KIAA1217: variants seen among roughly 807,000 people sequenced by gnomAD.
KIAA1217 encodes the protein sickle tail protein homolog.
Under a neutral mutation model 163.9 loss-of-function variants are expected in KIAA1217, and 88 were observed. The observed-to-expected ratio is 0.54, with a 90% CI of 0.45 to 0.64. The LOEUF (loss-of-function observed/expected upper bound fraction) is 0.64, where lower values mean the gene tolerates loss of function less well. Ranked by LOEUF, KIAA1217 falls within the 30% of genes least tolerant of loss-of-function variation. The pLI is 0.00. For missense variants in KIAA1217, 2,372 were observed against 2,475.0 expected (o/e 0.96, Z 0.88); for synonymous variants, 903 against 923.1 (o/e 0.98, Z 0.39).
chr10:24,271,234 AG>A (rs961731267), intron 2 of KIAA1217, among the ~76,000 whole-genome samples: 2 of 152,176 alleles, frequency 1.3e-5, no homozygotes, highest in Non-Finnish European at 2.9e-5. Flanking sequence ...TCATTCTGAA[AG>A]GAAAAATATC....
intron 2 of KIAA1217, among the ~76,000 whole-genome samples, chr10:24,012,528 T>A (rs931774466): frequency 2.6e-5 from 4 of 152,112 alleles, no homozygotes; most frequent in Non-Finnish European, 1.5e-5. Flanking sequence ...AAAACTAGGG[T>A]GTCTGATTAT....
At chr10:24,447,587 G>C (rs951727091) in intron 5 of KIAA1217, among the ~76,000 whole-genome samples, 1 of 152,056 alleles carries the variant, frequency 6.6e-6, no homozygotes, top group Non-Finnish European at 1.5e-5. Context: ...TGGCTCTCTC[G>C]GACAATGCCC....
chr10:24,296,788 T>TA (rs1225024274), intron 2 of KIAA1217, among the ~76,000 whole-genome samples: 1 of 152,226 alleles, frequency 6.6e-6, no homozygotes, highest in Admixed American at 6.5e-5. Context: ...CGAAGAAGGA[T>TA]AGAGAGAAAG....
In KIAA1217 at chr10:23,790,358, CATATATACATATACATATGT is replaced by C. The variant is rs1248708202; in HGVS notation, c.-321+95137_-321+95156del. 7.8e-4 allele frequency among the ~76,000 whole-genome samples: 80 copies of C among 101,924 alleles called. 6 individuals carry two copies. Among genetic ancestry groups the C allele is most frequent in the Non-Finnish European group, 1.3e-3 (69 of 53,998 alleles). 66.9% of individuals were successfully genotyped at this position (101,924 alleles called of 152,430 possible). ...ATGCATATATACATATGCATATATG[CATATATACATATACATATGT>C]ATATATACATATGTATATATACATA... On this transcript the variant is annotated intron_variant, in intron 1 of 18. Coordinates refer to the KIAA1217 transcript ENST00000376462.
intron 2 of KIAA1217, among the ~76,000 whole-genome samples, chr10:24,112,751 A>G (rs920177244): frequency 6.6e-6 from 1 of 150,914 alleles, no homozygotes; most frequent in African/African-American, 2.4e-5. Context: ...TGCCCGGCCA[A>G]TTTTTTTTGT....
chr10:23,962,154 A>G (rs1399910302), intron 1 of KIAA1217, among the ~76,000 whole-genome samples: 2 of 152,232 alleles, frequency 1.3e-5, no homozygotes, highest in African/African-American at 4.8e-5. Context: ...CAATGGAATT[A>G]CTAGGCATTA....
At chr10:24,458,289 G>A (rs752647386) in intron 5 of KIAA1217, among the ~76,000 whole-genome samples, 3 of 152,212 alleles carry the variant, frequency 2.0e-5, no homozygotes, top group Admixed American at 6.5e-5. Context: ...CTGAAAACAC[G>A]AAGGTATTCC....
At chr10:24,302,117 T>C (rs932219522) in intron 2 of KIAA1217, among the ~76,000 whole-genome samples, 1 of 152,138 alleles carries the variant, frequency 6.6e-6, no homozygotes, top group Non-Finnish European at 1.5e-5. Flanking sequence ...ACAGGGATGG[T>C]CCAGTGGTGG....
intron 3 of KIAA1217, among the ~76,000 whole-genome samples, chr10:24,414,054 T>C (rs909038106): frequency 7.9e-5 from 12 of 152,216 alleles, no homozygotes; most frequent in African/African-American, 2.9e-4. Flanking sequence ...ACCATACCCA[T>C]TTTGTTTAAG....
chr10:24,236,701 G>T (rs2072320029), intron 2 of KIAA1217, among the ~76,000 whole-genome samples: 1 of 151,582 alleles, frequency 6.6e-6, no homozygotes, highest in South Asian at 2.1e-4. Context: ...GCCCAAGCTG[G>T]AATTCAGGGG....
chr10:24,374,076 A>G (rs931884223), intron 2 of KIAA1217, among the ~76,000 whole-genome samples: 4 of 152,212 alleles, frequency 2.6e-5, no homozygotes, highest in Non-Finnish European at 5.9e-5. Context: ...AAGGGAGAAA[A>G]GTGTTGAAAT....
intron 12 of KIAA1217, 44 bp downstream of exon 12, chr10:24,521,973 G>A: frequency 6.3e-7 from 1 of 1,581,212 alleles, no homozygotes; most frequent in Non-Finnish European, 8.6e-7. Flanking sequence ...GCGGAGGGGT[G>A]CACTGGGAAA....
chr10:24,202,864 T>A (rs1589884967), intron 2 of KIAA1217, among the ~76,000 whole-genome samples: 1 of 152,084 alleles, frequency 6.6e-6, no homozygotes, highest in East Asian at 1.9e-4. Context: ...CCAGACCCAA[T>A]TCTATAGTTG....
intron 2 of KIAA1217, among the ~76,000 whole-genome samples, chr10:24,316,935 G>T (rs1386625468): frequency 6.6e-6 from 1 of 152,152 alleles, no homozygotes; most frequent in Non-Finnish European, 1.5e-5. Context: ...ACTGAGAGAC[G>T]CTCAGTGTGT....
At chr10:23,737,482 C>A (rs749146313) in intron 1 of KIAA1217, among the ~76,000 whole-genome samples, 24 of 152,058 alleles carry the variant, frequency 1.6e-4, no homozygotes, top group Non-Finnish European at 1.9e-4. Context: ...TGTGAGTCAC[C>A]CGCACCCGGC....
intron 2 of KIAA1217, among the ~76,000 whole-genome samples, chr10:24,087,135 G>T (rs763716468): frequency 6.6e-6 from 1 of 152,158 alleles, no homozygotes; most frequent in Non-Finnish European, 1.5e-5. Flanking sequence ...TAGAATGGGA[G>T]AAAAAATTAG....
At chr10:24,442,140 C>G (rs2060547803) in intron 5 of KIAA1217, among the ~76,000 whole-genome samples, 1 of 152,092 alleles carries the variant, frequency 6.6e-6, no homozygotes. Context: ...AAATTATTCC[C>G]CAATACCCAA....
chr10:24,165,946 C>A (rs1216009289), intron 2 of KIAA1217, among the ~76,000 whole-genome samples: 1 of 152,140 alleles, frequency 6.6e-6, no homozygotes, highest in Non-Finnish European at 1.5e-5. Context: ...TTATAAAAAG[C>A]AAGACTCAAG....
intron 1 of KIAA1217, among the ~76,000 whole-genome samples, chr10:23,892,422 G>A (rs559560836): frequency 6.6e-6 from 1 of 151,886 alleles, no homozygotes; most frequent in Non-Finnish European, 1.5e-5. Context: ...TTCCCTGATG[G>A]CATTCTCTGG....
Sources: allele counts gnomAD v4.1 joint callset (sites outside exome capture counted in the v4.1 genomes callset), GRCh38; gene constraint gnomAD v4.1.1; transcripts MANE v1.5; gene names NCBI Gene and HGNC (gene_info 2026-07-23, HGNC 2026-07-21).